The following KLHL29 variants were observed in gnomAD, a reference collection of about 807,000 sequenced individuals.
KLHL29 encodes the protein kelch-like protein 29.
Under a neutral mutation model 80.4 loss-of-function variants are expected in KLHL29, and 21 were observed. The ratio of observed to expected loss-of-function variants is 0.26; its 90% CI spans 0.19 to 0.38. The LOEUF (loss-of-function observed/expected upper bound fraction) is 0.38, where lower values mean the gene tolerates loss of function less well. KLHL29 is among the 10% of genes least tolerant of loss of function. The pLI is 1.00. For synonymous variants in KLHL29, 511 were observed against 526.8 expected, an observed-to-expected ratio of 0.97 and a Z score of 0.41; for missense variants, 867 against 1,223.9, an observed-to-expected ratio of 0.71 and a Z score of 4.35.
chr2:23,486,671 A>G (rs990205956), intron 2 of KLHL29, among the ~76,000 whole-genome samples: 5 of 152,230 alleles, frequency 3.3e-5, no homozygotes, highest in Non-Finnish European at 5.9e-5. Context: ...AGCTGCCAAT[A>G]AACAATAATC....
chr2:23,528,986 C>T (rs1209493402), intron 2 of KLHL29, among the ~76,000 whole-genome samples: 1 of 152,242 alleles, frequency 6.6e-6, no homozygotes, highest in Non-Finnish European at 1.5e-5. Context: ...AAGTGTGATC[C>T]TCATGGCCCC....
At chr2:23,459,817 C>T (rs751918928) in intron 1 of KLHL29, among the ~76,000 whole-genome samples, 28 of 152,164 alleles carry the variant, frequency 1.8e-4, no homozygotes, top group African/African-American at 6.0e-4. Context: ...GAGTGGAAAC[C>T]GTCCATTGGA....
intron 2 of KLHL29, among the ~76,000 whole-genome samples, chr2:23,537,070 C>G (rs1666691282): frequency 6.6e-6 from 1 of 152,146 alleles, no homozygotes; most frequent in Admixed American, 6.5e-5. Flanking sequence ...ACATGCTACT[C>G]TGGTCCCACG....
chr2:23,588,929 A>G (rs968696113), intron 3 of KLHL29, among the ~76,000 whole-genome samples: 15 of 152,180 alleles, frequency 9.9e-5, no homozygotes, highest in African/African-American at 3.6e-4. Context: ...GTACCCAAAG[A>G]TTGATGATTT....
At chr2:23,570,203 G>A (rs1254282476) in intron 3 of KLHL29, among the ~76,000 whole-genome samples, 1 of 152,220 alleles carries the variant, frequency 6.6e-6, no homozygotes, top group Non-Finnish European at 1.5e-5. Context: ...CTCAGAGACT[G>A]CTGTCACATG....
Position 23,457,617 on chromosome 2 carries a change from G to T in KLHL29, c.-153-17943G>T, listed in dbSNP as rs1451045730. ...AACAGCGTCCCACTGGTGCTGGATG[G>T]CCAACAATAAATTCCCAGGCTCTGA... On this transcript the variant is annotated intron_variant, in intron 1 of 13. Transcript: ENST00000486442. This position sits in a 1 kb window ranked among gnomAD's most constrained non-coding sequence, Gnocchi z 4.3. Among the ~76,000 whole-genome samples the T allele has an allele frequency of 6.6e-6, 1 of 152,134 alleles. No individual in the cohort carries two copies. Among genetic ancestry groups the T allele is most frequent in the Admixed American group, 6.5e-5 (1 of 15,276 alleles).
intron 2 of KLHL29, among the ~76,000 whole-genome samples, chr2:23,537,199 G>T (rs1373304029): frequency 6.6e-6 from 1 of 152,126 alleles, no homozygotes; most frequent in Non-Finnish European, 1.5e-5. Context: ...TAATTCAGTT[G>T]GTGGGTGCCA....
At chr2:23,587,820 G>A (rs1247329844) in intron 3 of KLHL29, among the ~76,000 whole-genome samples, 1 of 152,162 alleles carries the variant, frequency 6.6e-6, no homozygotes, top group African/African-American at 2.4e-5. Flanking sequence ...AGTCCGTGTG[G>A]TCCTTCTCAT....
At chr2:23,542,146 G>T (rs1666857050) in intron 2 of KLHL29, among the ~76,000 whole-genome samples, 1 of 152,160 alleles carries the variant, frequency 6.6e-6, no homozygotes, top group Non-Finnish European at 1.5e-5. Context: ...CCAACCCTTT[G>T]ATCTCTTGTC....
chr2:23,402,688 C>G (rs957718620), intron 1 of KLHL29, among the ~76,000 whole-genome samples: 4 of 152,200 alleles, frequency 2.6e-5, no homozygotes, highest in Non-Finnish European at 5.9e-5. Context: ...CCCTCCTTGC[C>G]TTTCTGCTGA....
At chr2:23,589,135 T>C (rs986288085) in intron 3 of KLHL29, among the ~76,000 whole-genome samples, 1 of 152,272 alleles carries the variant, frequency 6.6e-6, no homozygotes, top group Non-Finnish European at 1.5e-5. Flanking sequence ...GAATTTAATA[T>C]AATCAAATGG....
At chr2:23,591,151 G>A (rs957959631) in intron 3 of KLHL29, among the ~76,000 whole-genome samples, 1 of 152,202 alleles carries the variant, frequency 6.6e-6, no homozygotes. Context: ...AAGGTGAGGG[G>A]CAGCCATGTG....
intron 3 of KLHL29, among the ~76,000 whole-genome samples, chr2:23,565,500 G>A (rs974918229): frequency 2.0e-5 from 3 of 152,216 alleles, no homozygotes; most frequent in Non-Finnish European, 4.4e-5. Flanking sequence ...CAGATGCTCC[G>A]TAGGCAAGAG....
At chr2:23,533,909 C>T (rs1324590787) in intron 2 of KLHL29, among the ~76,000 whole-genome samples, 1 of 151,030 alleles carries the variant, frequency 6.6e-6, no homozygotes, top group Non-Finnish European at 1.5e-5. Context: ...ATTTTAAATA[C>T]ATGAGACTTT....
At chr2:23,635,802 G>A (rs1461321964) in intron 3 of KLHL29, among the ~76,000 whole-genome samples, 2 of 152,238 alleles carry the variant, frequency 1.3e-5, no homozygotes, top group African/African-American at 4.8e-5. Context: ...CAGAAAACAT[G>A]GCCAGGAACA....
At chr2:23,509,265 T>C (rs1665700959) in intron 2 of KLHL29, among the ~76,000 whole-genome samples, 1 of 152,152 alleles carries the variant, frequency 6.6e-6, no homozygotes, top group Non-Finnish European at 1.5e-5. Flanking sequence ...TCATCTCTTA[T>C]GAGAAAGGCA....
chr2:23,601,354 T>G (rs1572429840), intron 3 of KLHL29, among the ~76,000 whole-genome samples: 1 of 152,350 alleles, frequency 6.6e-6, no homozygotes, highest in South Asian at 2.1e-4. Flanking sequence ...TTCAGTGACT[T>G]CAAGCTGGGC....
intron 1 of KLHL29, among the ~76,000 whole-genome samples, chr2:23,468,537 GAC>G (rs1024236777): frequency 3.3e-5 from 5 of 152,152 alleles, no homozygotes; most frequent in Non-Finnish European, 4.4e-5. Context: ...GGCTTCAAGA[GAC>G]ACCGCCCCCC....
At chr2:23,661,670 AC>A (rs1178844930) in intron 5 of KLHL29, among the ~76,000 whole-genome samples, 3 of 152,236 alleles carry the variant, frequency 2.0e-5, no homozygotes, top group Non-Finnish European at 4.4e-5. Flanking sequence ...GCCCCTGGGC[AC>A]TTGTCCTGGG....
Sources: allele counts gnomAD v4.1 joint callset (sites outside exome capture counted in the v4.1 genomes callset), GRCh38; gene constraint gnomAD v4.1.1; non-coding constraint Gnocchi (gnomAD v3.1); transcripts MANE v1.5; gene names NCBI Gene and HGNC (gene_info 2026-07-23, HGNC 2026-07-21).